The following KHDRBS2 variants were observed in gnomAD, a reference collection of about 807,000 sequenced individuals.
KHDRBS2 encodes the protein KH RNA binding domain containing, signal transduction associated 2.
KHDRBS2 carries 26 observed loss-of-function variants against 44.3 expected under a neutral mutation model. The observed-to-expected ratio is 0.59, with a 90% confidence interval of 0.43 to 0.81. The LOEUF is 0.81. Ranked by LOEUF, KHDRBS2 falls within the 40% of genes least tolerant of loss-of-function variation. The pLI is 0.00. For synonymous variants in KHDRBS2, 194 were observed against 151.1 expected, an observed-to-expected ratio of 1.28 and a Z score of -2.08; for missense variants, 476 against 433.1, an observed-to-expected ratio of 1.10 and a Z score of -0.88.
rs1197062737 is a variant in KHDRBS2 at position 61,816,642 on chromosome 6, A to G, written c.810+77993T>C. ...TGTGGTACTTCGTTATCACAATGCT[A>G]TGAAACAAATACAAGCGTTATCTGT... On this transcript the variant is annotated intron_variant, in intron 6 of 8. Transcript: ENST00000281156. 10 of 450,818 alleles carry G rather than the reference A, an allele frequency of 2.2e-5. No homozygotes were observed. The East Asian group carries it at 4.9e-4, about 22-fold the overall frequency. 27.9% of individuals were successfully genotyped at this position (450,818 alleles called of 1,614,324 possible). A position where few individuals can be genotyped will look rare whatever the true frequency, so the allele number is the denominator to read the frequency against.
At chr6:61,817,383 C>A (rs1789142506) in intron 6 of KHDRBS2, among the ~76,000 whole-genome samples, 1 of 152,024 alleles carries the variant, frequency 6.6e-6, no homozygotes, top group Admixed American at 6.6e-5. Context: ...ACATTAATTT[C>A]ATTGCTGTAC....
At chr6:61,643,199 G>T in the KHDRBS2 span, among the ~76,000 whole-genome samples, 3 of 152,040 alleles carry the variant, frequency 2.0e-5, no homozygotes, top group African/African-American at 7.3e-5. Context: ...GTTTCAAAAA[G>T]ATTTGATATG....
chr6:61,732,752 C>A lies in KHDRBS2; in HGVS notation c.823G>T (p.Gly275Cys). ...TGGTCATCATATTCACCCCCGTAGC[C>A]ATCATCATAACCCTGAGACAAAAAA... ...EAYEEYGYDDGYGGEYDDQTY... is the reference protein window; with the variant it reads ...EAYEEYGYDDCYGGEYDDQTY... The change falls in exon 7 of 9, where the codon GGC (glycine) becomes TGC (cysteine). Residue 275 changes from glycine (G) to cysteine (C), a missense_variant. Coordinates refer to ENST00000281156, the MANE Select transcript of KHDRBS2 (RefSeq NM_152688.4). 6.2e-7 allele frequency: 1 copy of A among 1,603,560 alleles called. No homozygotes were observed. Among genetic ancestry groups the A allele is most frequent in the Non-Finnish European group, 8.5e-7 (1 of 1,170,604 alleles).
At chr6:62,101,405 T>G (rs1397175841) in intron 2 of KHDRBS2, among the ~76,000 whole-genome samples, 1 of 152,118 alleles carries the variant, frequency 6.6e-6, no homozygotes, top group East Asian at 1.9e-4. Flanking sequence ...AATGGAGACC[T>G]CCACAGGATT....
chr6:61,794,766 T>G lies in KHDRBS2; in HGVS notation c.811-62002A>C, dbSNP rs75470245. Among the ~76,000 whole-genome samples, 339 of 152,252 alleles carry G rather than the reference T, an allele frequency of 2.2e-3. 4 individuals carry two copies. Among genetic ancestry groups the G allele is most frequent in the Admixed American group, 0.017 (259 of 15,276 alleles). ...AGGCACAAATACATGTTGCTGTGTT[T>G]TTTTAACATAGTATATCCCTCAATA... On this transcript the variant is annotated intron_variant, in intron 6 of 8. Transcript: ENST00000281156.
At chr6:61,598,218 A>G in the KHDRBS2 span, among the ~76,000 whole-genome samples, 4 of 151,272 alleles carry the variant, frequency 2.6e-5, no homozygotes, top group Non-Finnish European at 4.4e-5. Context: ...TAAATTGGGG[A>G]AAAAGTTGCT....
chr6:62,253,844 A>G (rs1836940548), intron 1 of KHDRBS2, among the ~76,000 whole-genome samples: 1 of 151,982 alleles, frequency 6.6e-6, no homozygotes, highest in Non-Finnish European at 1.5e-5. Context: ...ATTATTGCAA[A>G]ATCATAAAAT....
At chr6:61,980,998 C>A (rs569527045) in intron 3 of KHDRBS2, among the ~76,000 whole-genome samples, 5 of 152,234 alleles carry the variant, frequency 3.3e-5, no homozygotes, top group African/African-American at 1.2e-4. Context: ...ACCCACTGGG[C>A]ATGCCCTCTC....
intron 2 of KHDRBS2, among the ~76,000 whole-genome samples, chr6:62,151,086 T>C (rs1206548145): frequency 3.3e-5 from 5 of 152,138 alleles, no homozygotes; most frequent in African/African-American, 9.7e-5. Context: ...GGTGGGAGCA[T>C]ATATGAACTC....
intron 4 of KHDRBS2, among the ~76,000 whole-genome samples, chr6:61,915,361 C>A (rs1806805796): frequency 6.6e-6 from 1 of 151,980 alleles, no homozygotes; most frequent in South Asian, 2.1e-4. Context: ...TATCTGTCCT[C>A]ATTTCTGTAT....
chr6:62,021,901 C>T (rs1441053338), intron 3 of KHDRBS2, among the ~76,000 whole-genome samples: 1 of 145,706 alleles, frequency 6.9e-6, no homozygotes, highest in Admixed American at 7.0e-5. Flanking sequence ...GGTAAATATG[C>T]TTTGTGAAAA....
Position 62,212,817 on chromosome 6 carries a change from G to A in KHDRBS2, c.92-35505C>T, listed in dbSNP as rs563132220. Among the ~76,000 whole-genome samples the A allele has an allele frequency of 1.6e-4, 25 of 152,122 alleles. No homozygotes were observed. The South Asian group carries it at 3.1e-3, about 19-fold the overall frequency. ...AACTGTAATACAATAAATCTTTGTC[G>A]TTTTAAACTATACAGTTTTTGGTAG... On this transcript the variant is annotated intron_variant, in intron 1 of 8. Transcript: ENST00000281156.
Position 62,086,700 on chromosome 6 carries a change from T to C in KHDRBS2, c.220-38706A>G, listed in dbSNP as rs113539265. On this transcript the variant is annotated intron_variant, in intron 2 of 8. Coordinates refer to ENST00000281156, the MANE Select transcript of KHDRBS2 (RefSeq NM_152688.4). ...TCTGACAAAGCTGAGAATAGGAGAA[T>C]CCCAAAATCATTAAATTGTATTCAC... 1.9e-3 allele frequency among the ~76,000 whole-genome samples: 292 copies of C among 152,218 alleles called. 1 individual carries two copies. The highest frequency in any genetic ancestry group is 6.7e-3 in the African/African-American group (277 of 41,540).
At chr6:61,608,219 A>G in the KHDRBS2 span, among the ~76,000 whole-genome samples, 1 of 151,794 alleles carries the variant, frequency 6.6e-6, no homozygotes, top group Non-Finnish European at 1.5e-5. Flanking sequence ...TCAGTCTAAC[A>G]TTTCTGCTTG....
the KHDRBS2 span, among the ~76,000 whole-genome samples, chr6:61,632,563 T>C: frequency 6.6e-6 from 1 of 152,172 alleles, no homozygotes; most frequent in African/African-American, 2.4e-5. Context: ...TCATATGAAA[T>C]TTAAAACTTT....
At chr6:62,019,153 C>G (rs1280101967) in intron 3 of KHDRBS2, among the ~76,000 whole-genome samples, 1 of 151,816 alleles carries the variant, frequency 6.6e-6, no homozygotes, top group Non-Finnish European at 1.5e-5. Flanking sequence ...GAACTGAGCA[C>G]TAGAATTTTA....
At chr6:61,774,900 C>A (rs1781682651) in intron 6 of KHDRBS2, among the ~76,000 whole-genome samples, 1 of 152,100 alleles carries the variant, frequency 6.6e-6, no homozygotes, top group African/African-American at 2.4e-5. Context: ...CAAGAAAATA[C>A]TAGCAAACTG....
At chr6:61,927,583 C>T (rs1809217270) in intron 4 of KHDRBS2, among the ~76,000 whole-genome samples, 1 of 152,006 alleles carries the variant, frequency 6.6e-6, no homozygotes, top group Admixed American at 6.6e-5. Flanking sequence ...CTTGAAAATA[C>T]AATTTCCTTA....
intron 6 of KHDRBS2, among the ~76,000 whole-genome samples, chr6:61,889,136 T>A: frequency 6.6e-6 from 1 of 152,218 alleles, no homozygotes; most frequent in African/African-American, 2.4e-5. Context: ...AGTTACCTTT[T>A]ATTAACAACA....
Sources: allele counts gnomAD v4.1 joint callset (sites outside exome capture counted in the v4.1 genomes callset), GRCh38; gene constraint gnomAD v4.1.1; transcripts MANE v1.5; gene names NCBI Gene and HGNC (gene_info 2026-07-23, HGNC 2026-07-21).